The following ARHGAP8 variants were observed in gnomAD, a reference collection of about 807,000 sequenced individuals.
ARHGAP8 encodes the protein rho GTPase-activating protein 8.
In ARHGAP8, 62 loss-of-function variants were observed where a neutral mutation model predicts 46.1. The observed-to-expected ratio is 1.34, with a 90% confidence interval of 1.10 to 1.66. The LOEUF is 1.66. Ranked by LOEUF, ARHGAP8 falls within the 40% of genes most tolerant of loss-of-function variation. ARHGAP8 has a pLI of 0.00. For synonymous variants in ARHGAP8, 375 were observed against 243.1 expected, an observed-to-expected ratio of 1.54 and a Z score of -5.05; for missense variants, 923 against 568.4, an observed-to-expected ratio of 1.62 and a Z score of -6.34.
At chr22:44,834,922 T>C (rs926003155) in intron 7 of ARHGAP8, among the ~76,000 whole-genome samples, 3 of 152,192 alleles carry the variant, frequency 2.0e-5, no homozygotes, top group Non-Finnish European at 2.9e-5. Context: ...ATAGCCATTA[T>C]AGCTCTTTTT....
intron 6 of ARHGAP8, among the ~76,000 whole-genome samples, chr22:44,825,272 G>C (rs941111524): frequency 6.6e-6 from 1 of 152,054 alleles, no homozygotes; most frequent in African/African-American, 2.4e-5. Context: ...CTGGAGGTTG[G>C]ACTACTGCCT....
At chr22:44,852,305 T>A (rs932266717) in intron 10 of ARHGAP8, among the ~76,000 whole-genome samples, 2 of 151,460 alleles carry the variant, frequency 1.3e-5, no homozygotes, top group Non-Finnish European at 2.9e-5. Flanking sequence ...TGGAAAGTCA[T>A]GGAGCTTCAA....
intron 5 of ARHGAP8, among the ~76,000 whole-genome samples, chr22:44,821,216 G>T (rs1277273739): frequency 6.6e-6 from 1 of 151,952 alleles, no homozygotes; most frequent in African/African-American, 2.4e-5. Flanking sequence ...CGGATCACGA[G>T]GTCAGGAGAT....
At chr22:44,792,808 G>GTGGTGGTTT (rs11282638) in intron 2 of ARHGAP8, among the ~76,000 whole-genome samples, 7 of 150,472 alleles carry the variant, frequency 4.7e-5, no homozygotes, top group Non-Finnish European at 8.9e-5. Context: ...GGTGGTGGTG[G>GTGGTGGTTT]TGGTTTTTTT....
chr22:44,860,573 G>C (rs539003883), intron 11 of ARHGAP8, among the ~76,000 whole-genome samples: 19 of 151,784 alleles, frequency 1.3e-4, no homozygotes, highest in Non-Finnish European at 4.4e-5. Flanking sequence ...AACGGCCCTC[G>C]TTCCAAATAA....
chr22:44,784,815 T>C (rs1356098883), intron 1 of ARHGAP8, among the ~76,000 whole-genome samples: 1 of 152,192 alleles, frequency 6.6e-6, no homozygotes, highest in African/African-American at 2.4e-5. Flanking sequence ...GGCTGCTGGG[T>C]CCTCACTGCC....
intron 7 of ARHGAP8, among the ~76,000 whole-genome samples, chr22:44,839,427 T>C (rs547423323): frequency 6.6e-6 from 1 of 152,304 alleles, no homozygotes; most frequent in Non-Finnish European, 1.5e-5. Context: ...AATCACCGTT[T>C]AAGTGGATTA....
At chr22:44,804,528 G>A (rs1928800288) in intron 3 of ARHGAP8, among the ~76,000 whole-genome samples, 1 of 152,200 alleles carries the variant, frequency 6.6e-6, no homozygotes, top group South Asian at 2.1e-4. Context: ...GGGTGTCCCT[G>A]GAAACATTTA....
At chr22:44,814,866 G>A (rs1929622365) in intron 5 of ARHGAP8, 108 bp downstream of exon 5, 2 of 1,336,752 alleles carry the variant, frequency 1.5e-6, no homozygotes, top group Non-Finnish European at 2.1e-6. Context: ...CGTCTCCAGG[G>A]TGCCTGTGTA....
chr22:44,844,222 G>GTCT (rs2069900657), intron 7 of ARHGAP8, among the ~76,000 whole-genome samples: 1 of 151,982 alleles, frequency 6.6e-6, no homozygotes, highest in Non-Finnish European at 1.5e-5. Context: ...TGTCCACTTT[G>GTCT]GCCTCCCAAA....
At chr22:44,837,212 C>T (rs558635987) in intron 7 of ARHGAP8, among the ~76,000 whole-genome samples, 1 of 152,184 alleles carries the variant, frequency 6.6e-6, no homozygotes, top group African/African-American at 2.4e-5. Flanking sequence ...GTCACAATTT[C>T]TCCTTATTTG....
chr22:44,806,723 G>A (rs1402554488), intron 3 of ARHGAP8, among the ~76,000 whole-genome samples: 3 of 152,050 alleles, frequency 2.0e-5, no homozygotes, highest in Non-Finnish European at 2.9e-5. Flanking sequence ...GGGAGGCCGA[G>A]GCGGGTGGAT....
chr22:44,779,076 G>C (rs1192993137), intron 1 of ARHGAP8, among the ~76,000 whole-genome samples: 1 of 149,368 alleles, frequency 6.7e-6, no homozygotes, highest in Non-Finnish European at 1.5e-5. Context: ...ATTGCACAGT[G>C]ACTGACTTTT....
intron 3 of ARHGAP8, among the ~76,000 whole-genome samples, chr22:44,808,090 ACTTACTAG>A (rs1301161750): frequency 1.7e-4 from 26 of 152,168 alleles, no homozygotes; most frequent in African/African-American, 4.8e-4. Context: ...TACCACATCC[ACTTACTAG>A]CTGTGTGACT....
At chr22:44,832,692 A>G (rs1931028060) in intron 7 of ARHGAP8, among the ~76,000 whole-genome samples, 2 of 152,154 alleles carry the variant, frequency 1.3e-5, no homozygotes, top group South Asian at 4.1e-4. Context: ...GGATCATGTC[A>G]TCTGCAAATA....
intron 11 of ARHGAP8, 118 bp from the exon 12 acceptor site, chr22:44,862,157 C>G (rs952019559): frequency 1.1e-5 from 14 of 1,259,050 alleles, no homozygotes; most frequent in East Asian, 2.6e-5. Flanking sequence ...TGGCTGCCGG[C>G]TCCCAGTCCA....
chr22:44,818,395 G>C (rs1314358966), intron 5 of ARHGAP8, among the ~76,000 whole-genome samples: 5 of 144,460 alleles, frequency 3.5e-5, no homozygotes, highest in Non-Finnish European at 5.9e-5. Context: ...GTTGCGGTGA[G>C]CCGAGATCAC....
intron 2 of ARHGAP8, among the ~76,000 whole-genome samples, chr22:44,793,120 C>T (rs890144691): frequency 6.6e-5 from 10 of 152,198 alleles, no homozygotes; most frequent in African/African-American, 1.9e-4. Context: ...CCGCACCTGG[C>T]CAGAATAGTG....
intron 2 of ARHGAP8, among the ~76,000 whole-genome samples, chr22:44,788,443 G>T (rs1047743642): frequency 4.6e-5 from 7 of 151,720 alleles, no homozygotes; most frequent in African/African-American, 1.7e-4. Flanking sequence ...TTGAGACAGG[G>T]TGTCACTCTG....
Sources: allele counts gnomAD v4.1 joint callset (sites outside exome capture counted in the v4.1 genomes callset), GRCh38; gene constraint gnomAD v4.1.1; transcripts MANE v1.5; gene names NCBI Gene and HGNC (gene_info 2026-07-23, HGNC 2026-07-21).